PPP1R13L: variants seen among roughly 807,000 people sequenced by gnomAD.
PPP1R13L encodes the protein relA-associated inhibitor.
In PPP1R13L, 50 loss-of-function variants were observed where a neutral mutation model predicts 80.9. The observed-to-expected ratio is 0.62, with a 90% CI of 0.49 to 0.78. The LOEUF (loss-of-function observed/expected upper bound fraction) is 0.78, where lower values mean the gene tolerates loss of function less well. Among genes scored for constraint, PPP1R13L ranks in the 30% least tolerant of loss-of-function variants. The pLI, the probability that PPP1R13L is intolerant of heterozygous loss-of-function variation, is 0.00. For synonymous variants in PPP1R13L, 602 were observed against 534.3 expected (o/e 1.13, Z -1.75); for missense variants, 1,200 against 1,205.9 (o/e 1.00, Z 0.07).
In PPP1R13L at chr19:45,396,819, GAAGGCGCGGGGC is replaced by G; in HGVS notation, c.426_437del (p.Pro143_Phe146del). 6.9e-7 allele frequency: 1 copy of G among 1,449,994 alleles called. No homozygotes were observed. The highest frequency in any genetic ancestry group is 9.0e-7 in the Non-Finnish European group (1 of 1,109,716). The allele number at this position is 1,449,994 out of a possible 1,614,324, so 89.8% of individuals were successfully genotyped here. ...GGCCGAGGGAGCTGCCTGCGCCATC[GAAGGCGCGGGGC>G]CGGGGCGAGGTCGCGCGGTCCAGGC... On this transcript the variant is annotated inframe_deletion, in exon 4 of 13. Coordinates refer to ENST00000360957, the MANE Select transcript of PPP1R13L (RefSeq NM_006663.4). This position sits in a 1 kb window ranked among gnomAD's most constrained non-coding sequence, Gnocchi z 5.3.
rs765242199 is a variant in PPP1R13L at position 45,385,681 on chromosome 19, A to G, written c.2129T>C (p.Met710Thr). 1 of 1,612,990 alleles carries G rather than the reference A, an allele frequency of 6.2e-7. No homozygotes were observed. The highest frequency in any genetic ancestry group is 8.5e-7 in the Non-Finnish European group (1 of 1,179,822). Residue 710 changes from methionine to threonine, a missense_variant, in exon 11 of 13, where the codon ATG (methionine) becomes ACG (threonine). Transcript: ENST00000360957. Reference protein sequence around the residue: ...AASCNDTVICMALVQHGAAIF... With the variant: ...AASCNDTVICTALVQHGAAIF... The stretch of plus-strand genomic sequence containing the variant: ...TGCAGCGCCGTGCTGCACCAGCGCC[A>G]TGCAGATGACTGTGTCGTTGCACGA...
At position 45,395,502 on chromosome 19, in the gene PPP1R13L, TCTGGGGCTGTGGGGGCAG is replaced by T; in HGVS notation, c.1270_1287del (p.Leu424_Gln429del). The T allele has an allele frequency of 6.9e-7, 1 of 1,447,244 alleles. No individual in the cohort carries two copies. The highest frequency in any genetic ancestry group is 1.2e-5 in the South Asian group (1 of 80,230). The allele number at this position is 1,447,244 out of a possible 1,614,324, so 89.7% of individuals were successfully genotyped here. A position where few individuals can be genotyped will look rare whatever the true frequency, so the allele number is the denominator to read the frequency against. ...GCTGGGGTAGGGGTTTGGGGTTGGG[TCTGGGGCTGTGGGGGCAG>T]CTGGGGCTGTGGTTGTGATTGTGGC... On this transcript the variant is annotated inframe_deletion, in exon 7 of 13. Transcript: ENST00000360957.
rs765260836 is a variant in PPP1R13L, at chr19:45,396,402, G to A, written c.747C>T (p.Ala249=). 6.2e-7 allele frequency: 1 copy of A among 1,614,132 alleles called. No homozygotes were observed. Among genetic ancestry groups the A allele is most frequent in the Non-Finnish European group, 8.5e-7 (1 of 1,179,994 alleles). Residue 249 remains alanine (A), a synonymous_variant, in exon 5 of 13, where the codon GCC becomes GCT. Transcript: ENST00000360957. The surrounding 1 kb of genome is among the most constrained non-coding windows in gnomAD (Gnocchi z 5.3). ...DLTLRRRPPK[A]WNESDLDVAY... ...CCACGTCCAGGTCAGACTCGTTCCA[G>A]GCTTTCGGAGGCCGCCGGCGCAGCG... is the stretch of plus-strand genomic sequence containing the variant.
chr19:45,382,013 G>A (rs1487675542), intron 12 of PPP1R13L, among the ~76,000 whole-genome samples: 1 of 152,026 alleles, frequency 6.6e-6, no homozygotes, highest in African/African-American at 2.4e-5. Context: ...GACCAAGGCA[G>A]GTGGATCATT....
intron 8 of PPP1R13L, among the ~76,000 whole-genome samples, chr19:45,391,218 G>A (rs1169450532): frequency 1.3e-5 from 2 of 151,282 alleles, no homozygotes; most frequent in African/African-American, 2.4e-5. Flanking sequence ...AAAAATAGAG[G>A]AGAGAGCAGA....
chr19:45,394,469 T>C (rs1973040395), intron 7 of PPP1R13L, among the ~76,000 whole-genome samples: 1 of 151,668 alleles, frequency 6.6e-6, no homozygotes, highest in African/African-American at 2.4e-5. Flanking sequence ...GATAGCTTAC[T>C]ATGTATCAGA....
chr19:45,406,106 T>C (rs1042306603), upstream of PPP1R13L: 2 of 178,690 alleles, frequency 1.1e-5, no homozygotes, highest in African/African-American at 4.8e-5. This position sits in a 1 kb window ranked among gnomAD's most constrained non-coding sequence, Gnocchi z 4.2. Flanking sequence ...CCTCCCCCTA[T>C]GTTTCCCGCT....
rs1453157819 is a variant in PPP1R13L at position 45,403,439 on chromosome 19, C to CCAGT, written c.-22+1556_-22+1559dup. Among the ~76,000 whole-genome samples the CCAGT allele has an allele frequency of 2.0e-5, 3 of 152,112 alleles. No individual in the cohort carries two copies. The East Asian group carries it at 5.8e-4, about 29-fold the overall frequency. Reference sequence around the variant, plus strand: ...TTCCCCTGTACATTCCTGAGTCTGGCCAGTGATCACCCTCAGTCACTTAGG... The same window carrying CCAGT: ...TTCCCCTGTACATTCCTGAGTCTGGCCAGTCAGTGATCACCCTCAGTCACTTAGG... On this transcript the variant is annotated intron_variant, in intron 1 of 12. Coordinates refer to ENST00000360957, the MANE Select transcript of PPP1R13L (RefSeq NM_006663.4).
At position 45,396,250 on chromosome 19, in the gene PPP1R13L, A is replaced by ACCTGCGGGG. The variant is rs778328703; in HGVS notation, c.820_821insCCCCGCAGG (p.Asp273_Val274insAlaProGln). 2.5e-6 allele frequency: 4 copies of ACCTGCGGGG among 1,610,992 alleles called. No individual in the cohort carries two copies. In the African/African-American group the frequency reaches 4.0e-5, roughly 16 times the overall value. On this transcript the variant is annotated inframe_insertion, in exon 6 of 13. Coordinates refer to ENST00000360957, the MANE Select transcript of PPP1R13L (RefSeq NM_006663.4). This position sits in a 1 kb window ranked among gnomAD's most constrained non-coding sequence, Gnocchi z 5.3. ...GCTCGGCGAGGCAGGCCTTGCGAAG[A>ACCTGCGGGG]CGTCCAGGCCTGCGGGGCGGGAATC...
At chr19:45,381,088 A>G (rs1057372131) in intron 12 of PPP1R13L, among the ~76,000 whole-genome samples, 8 of 149,168 alleles carry the variant, frequency 5.4e-5, no homozygotes, top group African/African-American at 2.0e-4. Context: ...ATATATTTTT[A>G]TTGTCACCCA....
chr19:45,394,296 A>G (rs950345731), intron 7 of PPP1R13L, among the ~76,000 whole-genome samples: 1 of 151,432 alleles, frequency 6.6e-6, no homozygotes, highest in Admixed American at 6.6e-5. Context: ...CATGCCCGGC[A>G]GATTTTTTGT....
intron 8 of PPP1R13L, among the ~76,000 whole-genome samples, chr19:45,391,351 G>A (rs1912719919): frequency 6.6e-6 from 1 of 152,184 alleles, no homozygotes; most frequent in African/African-American, 2.4e-5. Flanking sequence ...ATGTCCAGGT[G>A]TATGACTCGA....
In PPP1R13L at chr19:45,396,076, C is replaced by CA; in HGVS notation, c.903+91dup. 2 of 1,434,624 alleles carry CA rather than the reference C, an allele frequency of 1.4e-6. No homozygotes were observed. The highest frequency in any genetic ancestry group is 1.9e-6 in the Non-Finnish European group (2 of 1,061,378). The allele number at this position is 1,434,624 out of a possible 1,614,324, so 88.9% of individuals were successfully genotyped here. A position where few individuals can be genotyped will look rare whatever the true frequency, so the allele number is the denominator to read the frequency against. ...GGAACGGGCGCCGAGACCCAGATCG[C>CA]AGCCCCGAGGGGGAGACTGGCCTTG... On this transcript the variant is annotated intron_variant, in intron 6 of 12. Coordinates refer to ENST00000360957, the MANE Select transcript of PPP1R13L (RefSeq NM_006663.4). The surrounding 1 kb of genome is among the most constrained non-coding windows in gnomAD (Gnocchi z 5.3).
At chr19:45,404,953 G>C (rs1291816175) in intron 1 of PPP1R13L, 46 bp downstream of exon 1, 1 of 979,264 alleles carries the variant, frequency 1.0e-6, no homozygotes, top group Admixed American at 6.1e-5. Flanking sequence ...GGACGCGGGT[G>C]TTGGGCTTTT....
chr19:45,396,884 G>A lies in PPP1R13L; in HGVS notation c.373C>T (p.Leu125Phe), dbSNP rs1314906632. Residue 125 changes from leucine to phenylalanine, a missense_variant, in exon 4 of 13, where the codon CTC (leucine) becomes TTC (phenylalanine). Leu to Phe is a conservative substitution (Grantham distance 22). Coordinates refer to ENST00000360957, the MANE Select transcript of PPP1R13L (RefSeq NM_006663.4). The surrounding 1 kb of genome is among the most constrained non-coding windows in gnomAD (Gnocchi z 5.3). ...CCGTAGGCGTCCGGCTGCAGGTAGAGCGGGGTGCGCGGCGACGACGGCCGT... is the reference window on the plus strand; with the variant it reads ...CCGTAGGCGTCCGGCTGCAGGTAGAACGGGGTGCGCGGCGACGACGGCCGT... ...KGRPSSPRTP[L>F]YLQPDAYGSL... The A allele has an allele frequency of 4.6e-6, 7 of 1,526,728 alleles. No individual in the cohort carries two copies. The highest frequency in any genetic ancestry group is 6.1e-6 in the Non-Finnish European group (7 of 1,145,050). The allele number at this position is 1,526,728 out of a possible 1,614,324, so 94.6% of individuals were successfully genotyped here.
At chr19:45,397,902 A>G (rs1973145015) in intron 3 of PPP1R13L, 103 bp downstream of exon 3, 1 of 1,443,976 alleles carries the variant, frequency 6.9e-7, no homozygotes, top group Non-Finnish European at 9.2e-7. Flanking sequence ...AAGAGCCCAC[A>G]ACCTGCATAA....
chr19:45,402,307 T>C (rs549608258), intron 1 of PPP1R13L, among the ~76,000 whole-genome samples: 1 of 152,300 alleles, frequency 6.6e-6, no homozygotes, highest in South Asian at 2.1e-4. Flanking sequence ...GGTCTCGAAC[T>C]CCTAGCCTCA....
In PPP1R13L at chr19:45,396,638, G is replaced by C. The variant is rs776478109; in HGVS notation, c.619C>G (p.Pro207Ala). Residue 207 changes from proline (P) to alanine (A), a missense_variant, in exon 4 of 13, where the codon CCT (proline) becomes GCT (alanine). By Grantham distance (27) the Pro-to-Ala change is conservative (BLOSUM62 -1). Around this residue, in one of 5 missense-constraint regions of PPP1R13L, gnomAD observed 764 missense variants for 714.5 expected, o/e 1.07. Coordinates refer to ENST00000360957, the MANE Select transcript of PPP1R13L (RefSeq NM_006663.4). The surrounding 1 kb of genome is among the most constrained non-coding windows in gnomAD (Gnocchi z 5.3). Reference protein sequence around the residue: ...FPERGPSPRPPATAYDAPASA... With the variant: ...FPERGPSPRPAATAYDAPASA... ...GCTGGCGCGTCGTAGGCTGTGGCAG[G>C]GGGGCGCGGTGACGGCCCACGCTCG... 11 of 1,474,050 alleles carry C rather than the reference G, an allele frequency of 7.5e-6. No individual in the cohort carries two copies. The highest frequency in any genetic ancestry group is 1.4e-5 in the African/African-American group (1 of 69,020). 91.3% of individuals were successfully genotyped at this position (1,474,050 alleles called of 1,614,324 possible).
intron 11 of PPP1R13L, among the ~76,000 whole-genome samples, chr19:45,384,350 G>C (rs1274248295): frequency 8.7e-6 from 1 of 114,558 alleles, no homozygotes; most frequent in Non-Finnish European, 1.7e-5. Context: ...GCAAAACCCC[G>C]TCTCTACTAA....
Sources: allele counts gnomAD v4.1 joint callset (sites outside exome capture counted in the v4.1 genomes callset), GRCh38; gene constraint gnomAD v4.1.1; regional missense constraint gnomAD v4.1.1; non-coding constraint Gnocchi (gnomAD v3.1); transcripts MANE v1.5; gene names NCBI Gene and HGNC (gene_info 2026-07-23, HGNC 2026-07-21).